The following HELZ2 variants were observed in gnomAD, a reference collection of about 807,000 sequenced individuals.
HELZ2 encodes helicase with zinc finger 2.
Under a neutral mutation model 208.8 loss-of-function variants are expected in HELZ2, and 143 were observed. The ratio of observed to expected loss-of-function variants is 0.68; its 90% CI spans 0.60 to 0.79. The LOEUF (loss-of-function observed/expected upper bound fraction) is 0.79. Among genes scored for constraint, HELZ2 ranks in the 30% least tolerant of loss-of-function variants. The pLI, the probability that HELZ2 is intolerant of heterozygous loss-of-function variation, is 0.00. For synonymous variants in HELZ2, 1,705 were observed against 1,693.7 expected, an observed-to-expected ratio of 1.01 and a Z score of -0.16; for missense variants, 3,690 against 3,794.5, an observed-to-expected ratio of 0.97 and a Z score of 0.72.
downstream of HELZ2, chr20:63,559,193 G>T: frequency 6.9e-7 from 1 of 1,456,310 alleles, no homozygotes; most frequent in East Asian, 2.6e-5. Flanking sequence ...GAGGGTGGGG[G>T]GGCCCTGGAC....
At chr20:63,568,164 G>A in intron 5 of HELZ2, 194 bp downstream of exon 6, 4 of 599,184 alleles carry the variant, frequency 6.7e-6, no homozygotes, top group Middle Eastern at 4.4e-4. Context: ...GAGGCACCCA[G>A]CTCCTCACCT....
chr20:63,563,870 G>A (rs1286129410), exon 8 of HELZ2: 1 of 1,596,346 alleles, frequency 6.3e-7, no homozygotes, highest in African/African-American at 1.3e-5. Flanking sequence ...GTGGCCCCGG[G>A]CGCAGCGGCC....
At chr20:63,569,633 C>T (rs752119943) in exon 4 of HELZ2, 36 of 1,545,076 alleles carry the variant, frequency 2.3e-5, no homozygotes, top group Non-Finnish European at 3.0e-5. Context: ...CTCCTGGCTC[C>T]TGCTTCAGCA....
At chr20:63,563,943 T>C in exon 8 of HELZ2, 1 of 1,594,308 alleles carries the variant, frequency 6.3e-7, no homozygotes, top group South Asian at 1.1e-5. Flanking sequence ...AATGGGTGCA[T>C]GTCGTCCGTG....
At chr20:63,567,625 G>A in exon 6 of HELZ2, 2 of 1,598,924 alleles carry the variant, frequency 1.3e-6, no homozygotes, top group African/African-American at 1.3e-5. Flanking sequence ...GATGTCGGCG[G>A]CACTGCGGGA....
intron 13 of HELZ2, 22 bp downstream of exon 14, chr20:63,561,327 AC>A (rs1275859334): frequency 1.2e-6 from 2 of 1,612,106 alleles, no homozygotes; most frequent in Non-Finnish European, 1.7e-6. Flanking sequence ...AGGCAGCTCC[AC>A]CCCCTGGCCC....
At chr20:63,560,305 G>A (rs775840074) in exon 17 of HELZ2, 1 of 1,555,708 alleles carries the variant, frequency 6.4e-7, no homozygotes, top group Non-Finnish European at 8.7e-7. Context: ...CCTCCCCAGG[G>A]TCAGCTGCTT....
In HELZ2 at chr20:63,568,422, T is replaced by C. The variant is rs770865029; in HGVS notation, c.1666A>G (p.Met556Val). The change falls in exon 5 of 19, where the codon ATG (methionine) becomes GTG (valine). Residue 556 changes from methionine (M) to valine (V), a missense_variant. Physicochemically the swap from Met to Val is conservative, Grantham distance 21. This residue lies in a region of HELZ2 where 1,119 missense variants were observed against 1,193.4 expected (regional missense o/e 0.94). Coordinates refer to ENST00000467148, the Ensembl canonical transcript of HELZ2. ...CTCCGGATGACCTCCAGGGAGGCCA[T>C]GGCCAGCGTGTAGGTCTTGCCGGTG... The C allele has an allele frequency of 6.2e-6, 10 of 1,608,270 alleles. No homozygotes were observed. The highest frequency in any genetic ancestry group is 7.6e-6 in the Non-Finnish European group (9 of 1,178,506).
exon 5 of HELZ2, chr20:63,568,894 G>A (rs772212145): frequency 1.2e-6 from 2 of 1,611,394 alleles, no homozygotes; most frequent in South Asian, 1.1e-5. Context: ...TCAGGGAGGA[G>A]GGGACGGGGA....
exon 16 of HELZ2, chr20:63,560,569 G>A: frequency 6.2e-7 from 1 of 1,612,698 alleles, no homozygotes; most frequent in South Asian, 1.1e-5. Context: ...CCTGCACGTG[G>A]CCAAAGATGA....
At chr20:63,568,398 T>C in exon 5 of HELZ2, 1 of 1,610,510 alleles carries the variant, frequency 6.2e-7, no homozygotes, top group Non-Finnish European at 8.5e-7. Context: ...GTTTCAGGCC[T>C]CCGGATGACC....
chr20:63,563,671 G>T, exon 8 of HELZ2: 1 of 1,570,060 alleles, frequency 6.4e-7, no homozygotes, highest in Non-Finnish European at 8.6e-7. Flanking sequence ...GATAGCTCTG[G>T]GCAAGTGCGT....
At chr20:63,564,662 A>C (rs770002883) in exon 8 of HELZ2, 12 of 1,577,772 alleles carry the variant, frequency 7.6e-6, no homozygotes, top group Non-Finnish European at 1.0e-5. Context: ...TCGCGCCTCC[A>C]CGTCCAGCAC....
chr20:63,559,244 C>T (rs2082849535), exon 19 of HELZ2: 2 of 1,551,564 alleles, frequency 1.3e-6, no homozygotes, highest in Non-Finnish European at 1.7e-6. Context: ...GGAGAGGGCT[C>T]TTCAGGAAGG....
exon 8 of HELZ2, chr20:63,564,734 C>G: frequency 6.2e-7 from 1 of 1,611,272 alleles, no homozygotes; most frequent in Non-Finnish European, 8.5e-7. Flanking sequence ...GCACCTGGGA[C>G]CCAGGTCTCG....
chr20:63,560,510 G>C, exon 16 of HELZ2: 1 of 1,571,884 alleles, frequency 6.4e-7, no homozygotes, highest in Non-Finnish European at 8.6e-7. Context: ...GTTGGCCTTG[G>C]AGTTCTCATT....
At chr20:63,573,187 G>T (rs745345008), upstream of HELZ2, 1 of 152,208 alleles carries the variant, frequency 6.6e-6, no homozygotes, top group Admixed American at 6.5e-5. The surrounding 1 kb of genome is among the most constrained non-coding windows in gnomAD (Gnocchi z 4.9). Context: ...ACGGGTCCAC[G>T]CAGTCCACTG....
At chr20:63,572,657 C>T (rs1345186856), upstream of HELZ2, 12 of 449,606 alleles carry the variant, frequency 2.7e-5, no homozygotes, top group Non-Finnish European at 4.7e-5. Context: ...GAAGCGGCCG[C>T]CAAACTCCGT....
At chr20:63,563,105 G>A in exon 8 of HELZ2, 1 of 1,595,486 alleles carries the variant, frequency 6.3e-7, no homozygotes, top group Non-Finnish European at 8.5e-7. Flanking sequence ...GAAGCCCGGT[G>A]CCACCGTCCA....
Sources: allele counts gnomAD v4.1 joint callset, GRCh38; gene constraint gnomAD v4.1.1; regional missense constraint gnomAD v4.1.1; non-coding constraint Gnocchi (gnomAD v3.1); transcripts MANE v1.5; gene names NCBI Gene and HGNC (gene_info 2026-07-23, HGNC 2026-07-21).